Variants in TNS1 observed in about 807,000 individuals in gnomAD.
TNS1 encodes the protein tensin 1, also known as tensin-1.
Under a neutral mutation model 168.6 loss-of-function variants are expected in TNS1, and 62 were observed. The observed-to-expected ratio is 0.37, with a 90% CI of 0.30 to 0.45. TNS1 has a LOEUF of 0.45. TNS1 is among the 20% of genes least tolerant of loss of function. TNS1 has a pLI of 1.00. For missense variants in TNS1, 2,240 were observed against 2,339.4 expected, an observed-to-expected ratio of 0.96 and a Z score of 0.88; for synonymous variants, 934 against 933.2, an observed-to-expected ratio of 1.00 and a Z score of -0.02.
chr2:217,934,817 C>T (rs934098923), intron 3 of TNS1, among the ~76,000 whole-genome samples: 9 of 152,230 alleles, frequency 5.9e-5, no homozygotes, highest in Admixed American at 3.3e-4. Context: ...GAAGAGCCAA[C>T]AGGATCCCAC....
intron 1 of TNS1, among the ~76,000 whole-genome samples, chr2:217,994,816 G>T (rs1160967609): frequency 6.6e-6 from 1 of 152,256 alleles, no homozygotes. Flanking sequence ...TCTCTAAGCA[G>T]CCACAGGGGA....
chr2:217,899,292 T>C (rs2125746477), intron 7 of TNS1, among the ~76,000 whole-genome samples: 1 of 152,274 alleles, frequency 6.6e-6, no homozygotes, highest in South Asian at 2.1e-4. Context: ...TGAGTTTGAC[T>C]CTGAGTCCCA....
At chr2:218,016,709 C>T (rs565027023) in intron 1 of TNS1, among the ~76,000 whole-genome samples, 2 of 152,234 alleles carry the variant, frequency 1.3e-5, no homozygotes, top group East Asian at 3.9e-4. Flanking sequence ...GGGAATGGAC[C>T]CCCCCAGAAA....
chr2:217,903,721 C>T, intron 6 of TNS1: 1 of 918,670 alleles, frequency 1.1e-6, no homozygotes, highest in Non-Finnish European at 1.7e-6. Flanking sequence ...ATCTAACCCT[C>T]ATCCTTCCTG....
intron 3 of TNS1, among the ~76,000 whole-genome samples, chr2:217,958,373 C>T (rs539214167): frequency 1.8e-4 from 28 of 152,362 alleles, no homozygotes; most frequent in Non-Finnish European, 3.4e-4. Context: ...CAGTCACGCA[C>T]CCTCTTCCCA....
At position 217,848,331 on chromosome 2, in the gene TNS1, A is replaced by G. The variant is rs1199846193; in HGVS notation, c.2186T>C (p.Val729Ala). 6.5e-7 allele frequency: 1 copy of G among 1,537,704 alleles called. No homozygotes were observed. ...EGPHPAWPQP[V>A]TTSHYAHDPS... Reference sequence around the variant, plus strand: ...GTCATGGGCATAGTGGGAGGTGGTCACTGGCTGTGGCCAGGCTGGGTGGGG... The same window carrying G: ...GTCATGGGCATAGTGGGAGGTGGTCGCTGGCTGTGGCCAGGCTGGGTGGGG... Residue 729 changes from valine (V) to alanine (A), a missense_variant, in exon 19 of 33, where the codon GTG becomes GCG. Val to Ala is a moderately conservative substitution (Grantham distance 64). Coordinates refer to ENST00000682258, the MANE Select transcript of TNS1 (RefSeq NM_001387777.1).
chr2:217,829,221 CAAA>C (rs10602621), intron 22 of TNS1, among the ~76,000 whole-genome samples: 143 of 148,142 alleles, frequency 9.7e-4, no homozygotes, highest in East Asian at 4.7e-3. Flanking sequence ...ACTAAAAATA[CAAA>C]AAAAAAAAAA....
At chr2:217,853,675 C>A (rs1177229153) in intron 18 of TNS1, among the ~76,000 whole-genome samples, 2 of 152,230 alleles carry the variant, frequency 1.3e-5, no homozygotes, top group African/African-American at 2.4e-5. Context: ...CTGCTCTTCT[C>A]AGCAGCTGCA....
chr2:217,902,992 AT>A (rs538580985), intron 6 of TNS1, among the ~76,000 whole-genome samples: 42 of 152,310 alleles, frequency 2.8e-4, no homozygotes, highest in African/African-American at 9.9e-4. Flanking sequence ...GGGGCACGGC[AT>A]GTCAGCAAAC....
At chr2:217,989,983 AGC>A (rs1958313963) in intron 2 of TNS1, among the ~76,000 whole-genome samples, 5 of 145,452 alleles carry the variant, frequency 3.4e-5, no homozygotes, top group Non-Finnish European at 4.6e-5. Context: ...ACACACCCTC[AGC>A]ACACATTATC....
At chr2:217,909,788 A>G (rs1416725918) in intron 4 of TNS1, among the ~76,000 whole-genome samples, 1 of 152,132 alleles carries the variant, frequency 6.6e-6, no homozygotes, top group Non-Finnish European at 1.5e-5. Flanking sequence ...GCTCCCTAAA[A>G]GGCCTTGGCA....
chr2:218,015,033 G>A (rs1182507968), upstream of TNS1, among the ~76,000 whole-genome samples: 1 of 152,098 alleles, frequency 6.6e-6, no homozygotes, highest in Non-Finnish European at 1.5e-5. Context: ...CATTTTCAGG[G>A]TTTTGCTGTC....
At chr2:217,905,369 T>C (rs534549374) in intron 6 of TNS1, 4 of 452,338 alleles carry the variant, frequency 8.8e-6, no homozygotes, top group African/African-American at 4.0e-5. Context: ...ATGCGGTCCA[T>C]GGGATGCTGC....
intron 2 of TNS1, among the ~76,000 whole-genome samples, chr2:217,982,457 G>T (rs1958080037): frequency 6.8e-6 from 1 of 147,104 alleles, no homozygotes; most frequent in South Asian, 2.1e-4. Context: ...AGGCTGGAGT[G>T]CAGTGGCACA....
At chr2:218,027,105 C>G (rs1036289899) in intron 1 of TNS1, among the ~76,000 whole-genome samples, 2 of 151,928 alleles carry the variant, frequency 1.3e-5, no homozygotes, top group Non-Finnish European at 2.9e-5. Flanking sequence ...CCGCACCCCA[C>G]CCCACAAACA....
chr2:217,867,413 A>C (rs991250570), intron 18 of TNS1, among the ~76,000 whole-genome samples: 1 of 152,258 alleles, frequency 6.6e-6, no homozygotes, highest in African/African-American at 2.4e-5. Flanking sequence ...GGAAACAGCA[A>C]AAGATTGGAA....
At position 218,002,831 on chromosome 2, in the gene TNS1, C is replaced by T. The variant is rs1361991170; in HGVS notation, c.33+9G>A. ...AGAGTAACGTCGCAGCTAAAGCAGC[C>T]AGACCTACCCAGAGCATGCAGGACA... On this transcript the variant is annotated intron_variant, in intron 1 of 32. Transcript: ENST00000682258. 2.2e-6 allele frequency: 1 copy of T among 456,732 alleles called. No individual in the cohort carries two copies. Among genetic ancestry groups the T allele is most frequent in the Non-Finnish European group, 4.4e-6 (1 of 226,976 alleles). The allele number at this position is 456,732 out of a possible 1,614,324, so 28.3% of individuals were successfully genotyped here.
intron 1 of TNS1, among the ~76,000 whole-genome samples, chr2:218,001,713 C>T (rs907190896): frequency 2.6e-5 from 4 of 151,844 alleles, no homozygotes; most frequent in Admixed American, 6.6e-5. Flanking sequence ...CCACCCAAAC[C>T]GCCTCATTCC....
Position 217,818,015 on chromosome 2 carries a change from T to A in TNS1, c.4317A>T (p.Thr1439=). The change falls in exon 24 of 33, where the codon ACA becomes ACT. Residue 1439 remains threonine, a synonymous_variant. Coordinates refer to ENST00000682258, the MANE Select transcript of TNS1 (RefSeq NM_001387777.1). Reference sequence around the variant, plus strand: ...CAGAGGCACTGCTCTGCCGGGACAGTGTGGGTCTCCGATCCTCCGGGGTAG... The same window carrying A: ...CAGAGGCACTGCTCTGCCGGGACAGAGTGGGTCTCCGATCCTCCGGGGTAG... ...GYSTPEDRRP[T]LSRQSSASGY... is the part of the protein sequence containing the mutation. The A allele has an allele frequency of 6.3e-7, 1 of 1,597,776 alleles. No homozygotes were observed.
Sources: allele counts gnomAD v4.1 joint callset (sites outside exome capture counted in the v4.1 genomes callset), GRCh38; gene constraint gnomAD v4.1.1; transcripts MANE v1.5; gene names NCBI Gene and HGNC (gene_info 2026-07-23, HGNC 2026-07-21).